The following LRRK2 variants were observed in gnomAD, a reference collection of about 807,000 sequenced individuals.
The protein encoded by LRRK2 is leucine rich repeat kinase 2.
A neutral mutation model predicts 302.6 loss-of-function variants in LRRK2; 203 were observed. That is an observed-to-expected ratio of 0.67 (90% CI 0.60 to 0.75). The LOEUF (loss-of-function observed/expected upper bound fraction) is 0.75, where lower values mean the gene tolerates loss of function less well. Among genes scored for constraint, LRRK2 ranks in the 30% least tolerant of loss-of-function variants. The pLI is 0.00. For missense variants in LRRK2, 2,830 were observed against 2,951.0 expected, an observed-to-expected ratio of 0.96 and a Z score of 0.95; for synonymous variants, 1,066 against 1,031.9, an observed-to-expected ratio of 1.03 and a Z score of -0.63.
intron 38 of LRRK2, among the ~76,000 whole-genome samples, chr12:40,324,071 G>A (rs1945479288): frequency 6.6e-6 from 1 of 152,004 alleles, no homozygotes; most frequent in South Asian, 2.1e-4. Flanking sequence ...ACTACTTTGG[G>A]AAAGAAACAG....
chr12:40,319,050 A>G (rs1172384619), intron 33 of LRRK2, among the ~76,000 whole-genome samples: 1 of 152,126 alleles, frequency 6.6e-6, no homozygotes, highest in Non-Finnish European at 1.5e-5. Context: ...TGATAGCATA[A>G]ATAATGTTTG....
At chr12:40,251,631 G>A in intron 10 of LRRK2, 87 bp downstream of exon 10, 3 of 1,184,840 alleles carry the variant, frequency 2.5e-6, no homozygotes, top group South Asian at 1.4e-5. Flanking sequence ...AACTTTTATT[G>A]TTAGAAATAT....
chr12:40,324,392 C>G (rs1945487180), intron 38 of LRRK2, among the ~76,000 whole-genome samples: 1 of 152,072 alleles, frequency 6.6e-6, no homozygotes, highest in Admixed American at 6.6e-5. Context: ...ACTCTCATAG[C>G]AATTTACAAG....
chr12:40,249,764 A>G (rs1476329319), intron 7 of LRRK2, 62 bp from the exon 8 acceptor site: 15 of 1,560,142 alleles, frequency 9.6e-6, no homozygotes, highest in East Asian at 2.3e-5. Context: ...ATAGTGTTAT[A>G]TGTTAAAGGT....
At chr12:40,322,000 G>C (rs889777804) in intron 35 of LRRK2, 35 bp from the exon 36 acceptor site, 1 of 1,610,064 alleles carries the variant, frequency 6.2e-7, no homozygotes, top group Non-Finnish European at 8.5e-7. Context: ...CTTTAACTTA[G>C]GAAGCAGTTA....
Position 40,351,649 on chromosome 12 carries a change from T to G in LRRK2, c.6492T>G (p.Asn2164Lys). 6.2e-7 allele frequency: 1 copy of G among 1,614,222 alleles called. No homozygotes were observed. The highest frequency in any genetic ancestry group is 8.5e-7 in the Non-Finnish European group (1 of 1,180,030). The change falls in exon 44 of 51, where the codon AAT becomes AAG. Residue 2164 changes from asparagine (N) to lysine (K), a missense_variant. Asn to Lys is a moderately conservative substitution (Grantham distance 94). Around this residue, in one of 3 missense-constraint regions of LRRK2, gnomAD observed 456 missense variants for 456.3 expected, o/e 1.00. Coordinates refer to ENST00000298910, the MANE Select transcript of LRRK2 (RefSeq NM_198578.4). ...TTGCTACACATCACAACAGCAGGAA[T>G]GCAAGCATTTGGCTGGGCTGTGGGC... ...CMVATHHNSR[N>K]ASIWLGCGHT...
chr12:40,322,090 G>T lies in LRRK2; in HGVS notation c.5226G>T (p.Trp1742Cys). 1 of 1,613,432 alleles carries T rather than the reference G, an allele frequency of 6.2e-7. No individual in the cohort carries two copies. The highest frequency in any genetic ancestry group is 8.5e-7 in the Non-Finnish European group (1 of 1,179,548). The change falls in exon 36 of 51, where the codon TGG becomes TGT. Residue 1742 changes from tryptophan to cysteine, a missense_variant. Physicochemically the swap from Trp to Cys is radical, Grantham distance 215. Coordinates refer to ENST00000298910, the MANE Select transcript of LRRK2 (RefSeq NM_198578.4). ...GGCGACAAGGCATTTACTTAAATTG[G>T]TCTCCTGAAGCTTATTGTCTGGTAG... ...MYWRQGIYLNWSPEAYCLVGS... is the reference protein window; with the variant it reads ...MYWRQGIYLNCSPEAYCLVGS...
chr12:40,235,700 T>C lies in LRRK2; in HGVS notation c.422T>C (p.Leu141Pro). Residue 141 changes from leucine (L) to proline (P), a missense_variant, in exon 4 of 51, where the codon CTC (leucine) becomes CCC (proline). This residue lies in a region of LRRK2 where 2,121 missense variants were observed against 2,148.0 expected (regional missense o/e 0.99). Transcript: ENST00000298910. ...GTGATTGGACTGAAGACCTTAGATC[T>C]CCTCCTAACTTCAGGTAATATGTGT... The part of the protein sequence containing the change: ...LSVIGLKTLD[L>P]LLTSGKITLL... 6.3e-7 allele frequency: 1 copy of C among 1,592,182 alleles called. No individual in the cohort carries two copies. The highest frequency in any genetic ancestry group is 8.6e-7 in the Non-Finnish European group (1 of 1,160,350).
intron 6 of LRRK2, among the ~76,000 whole-genome samples, 160 bp downstream of exon 6, chr12:40,240,777 A>G (rs1326813342): frequency 6.6e-6 from 1 of 152,196 alleles, no homozygotes; most frequent in Non-Finnish European, 1.5e-5. Context: ...CACTGACATT[A>G]TACTGAAGTT....
At chr12:40,296,746 G>C (rs1300778824) in intron 23 of LRRK2, among the ~76,000 whole-genome samples, 1 of 152,012 alleles carries the variant, frequency 6.6e-6, no homozygotes, top group Admixed American at 6.6e-5. Flanking sequence ...TATATTTAAG[G>C]GATGTTTTTT....
At chr12:40,339,550 C>T (rs1205409623) in intron 40 of LRRK2, among the ~76,000 whole-genome samples, 2 of 152,126 alleles carry the variant, frequency 1.3e-5, no homozygotes, top group Admixed American at 6.5e-5. Flanking sequence ...GTGGGTCAGT[C>T]TCCAGAAGGT....
At chr12:40,240,439 TATC>T (rs750915253) in intron 5 of LRRK2, 41 bp from the exon 6 acceptor site, 74 of 1,570,646 alleles carry the variant, frequency 4.7e-5, no homozygotes, top group Non-Finnish European at 5.9e-5. Context: ...TAAACTTTCA[TATC>T]ATCTTTAAGC....
Position 40,299,232 on chromosome 12 carries a change from T to C in LRRK2, c.3471T>C (p.Ser1157=), listed in dbSNP as rs978834664. The C allele has an allele frequency of 5.0e-6, 8 of 1,613,246 alleles. No homozygotes were observed. The highest frequency in any genetic ancestry group is 5.9e-6 in the Non-Finnish European group (7 of 1,179,670). ...TTGAGGCTTGTCCTAAAGTGGAGAG[T>C]TTCAGTGCCAGAATGAATTTTCTTG... The part of the protein sequence containing the change: ...NFLEACPKVE[S]FSARMNFLAA... The change falls in exon 25 of 51, where the codon AGT becomes AGC. Residue 1157 remains serine, a synonymous_variant. Coordinates refer to ENST00000298910, the MANE Select transcript of LRRK2 (RefSeq NM_198578.4).
chr12:40,280,721 G>T (rs1943654875), intron 18 of LRRK2, among the ~76,000 whole-genome samples: 1 of 152,056 alleles, frequency 6.6e-6, no homozygotes, highest in Non-Finnish European at 1.5e-5. Flanking sequence ...GGCTGCAGGA[G>T]CTAAGATTGT....
At chr12:40,317,766 TA>T (rs1945269511) in intron 33 of LRRK2, among the ~76,000 whole-genome samples, 1 of 152,096 alleles carries the variant, frequency 6.6e-6, no homozygotes, top group Non-Finnish European at 1.5e-5. Flanking sequence ...GAAGGAATGT[TA>T]GGAGCTCTTT....
intron 38 of LRRK2, among the ~76,000 whole-genome samples, chr12:40,326,534 A>G (rs1427749186): frequency 8.6e-5 from 13 of 150,920 alleles, no homozygotes; most frequent in African/African-American, 2.7e-4. Context: ...TGAAATTTGG[A>G]TGTATCTCCC....
Position 40,354,843 on chromosome 12 carries a change from A to AAAAT in LRRK2, c.6770+352_6770+353insAATA, listed in dbSNP as rs1555195286. On this transcript the variant is annotated intron_variant, in intron 45 of 50. Coordinates refer to ENST00000298910, the MANE Select transcript of LRRK2 (RefSeq NM_198578.4). ...TTCATTCATTCTTTGAAAAAAAAAAAATATATATATATATATATATGAAAC... is the reference window on the plus strand; with the variant it reads ...TTCATTCATTCTTTGAAAAAAAAAAAAAATATATATATATATATATATATGAAAC... Among the ~76,000 whole-genome samples the AAAAT allele has an allele frequency of 8.0e-4, 20 of 24,996 alleles. No homozygotes were observed. In the South Asian group the frequency reaches 0.014, roughly 17 times the overall value. The allele number at this position is 24,996 out of a possible 152,430, so 16.4% of individuals were successfully genotyped here. A position where few individuals can be genotyped will look rare whatever the true frequency, so the allele number is the denominator to read the frequency against.
chr12:40,278,375 C>T, intron 18 of LRRK2, 114 bp downstream of exon 18: 1 of 1,306,932 alleles, frequency 7.7e-7, no homozygotes, highest in Non-Finnish European at 1.1e-6. Flanking sequence ...CAGAAATTTA[C>T]CAGTTTATTG....
intron 25 of LRRK2, chr12:40,300,825 C>T (rs1565729289): frequency 4.2e-6 from 2 of 471,140 alleles, no homozygotes; most frequent in Admixed American, 4.7e-5. Flanking sequence ...TCAGGATGCT[C>T]TGTGGTACCT....
Sources: gnomAD v4.1 joint callset for allele counts (sites outside exome capture counted in the v4.1 genomes callset) on GRCh38, gnomAD v4.1.1 for gene constraint, gnomAD v4.1.1 regional missense constraint, MANE v1.5 for transcripts, NCBI Gene and HGNC (gene_info 2026-07-23, HGNC 2026-07-21) for gene names.